SPAG16: variants seen among roughly 807,000 people sequenced by gnomAD.
SPAG16 encodes sperm-associated antigen 16 protein.
A neutral mutation model predicts 80.4 loss-of-function variants in SPAG16; 86 were observed. The observed-to-expected ratio is 1.07, with a 90% confidence interval of 0.90 to 1.28. The LOEUF (loss-of-function observed/expected upper bound fraction) is 1.28. Ranked by LOEUF, SPAG16 falls within the 50% of genes most tolerant of loss-of-function variation. The pLI, the probability that SPAG16 is intolerant of heterozygous loss-of-function variation, is 0.00. For missense variants in SPAG16, 870 were observed against 765.3 expected (o/e 1.14, Z -1.61); for synonymous variants, 294 against 265.9 (o/e 1.11, Z -1.03).
intron 14 of SPAG16, among the ~76,000 whole-genome samples, chr2:214,128,182 A>G (rs1022628853): frequency 6.6e-6 from 1 of 151,856 alleles, no homozygotes; most frequent in African/African-American, 2.4e-5. Context: ...GCTGACGGGC[A>G]GGGGGAAAAC....
chr2:214,339,032 G>A (rs879380831), intron 15 of SPAG16, among the ~76,000 whole-genome samples: 4 of 152,116 alleles, frequency 2.6e-5, no homozygotes, highest in Admixed American at 6.5e-5. Flanking sequence ...TATTTCATAA[G>A]TATTCAACCA....
intron 10 of SPAG16, among the ~76,000 whole-genome samples, chr2:213,589,760 A>T (rs1255402305): frequency 6.6e-6 from 1 of 152,062 alleles, no homozygotes; most frequent in South Asian, 2.1e-4. Flanking sequence ...CGTCTGTACT[A>T]AAAATATAAA....
intron 1 of SPAG16, among the ~76,000 whole-genome samples, chr2:213,286,693 G>T (rs148596231): frequency 1.6e-4 from 24 of 152,278 alleles, no homozygotes; most frequent in African/African-American, 5.1e-4. Context: ...ACTGCATTTG[G>T]CCTGGATTTC....
intron 15 of SPAG16, among the ~76,000 whole-genome samples, chr2:214,387,100 C>T (rs900411224): frequency 6.6e-6 from 1 of 152,072 alleles, no homozygotes; most frequent in Non-Finnish European, 1.5e-5. Context: ...TTCCCTTCAA[C>T]TTCCTTTTAT....
intron 10 of SPAG16, among the ~76,000 whole-genome samples, chr2:213,524,493 G>T (rs2075807614): frequency 6.6e-6 from 1 of 152,196 alleles, no homozygotes; most frequent in African/African-American, 2.4e-5. Context: ...GCCTGGAAAA[G>T]CCACAGACAA....
At chr2:213,580,356 G>A (rs1351578007) in intron 10 of SPAG16, among the ~76,000 whole-genome samples, 4 of 152,014 alleles carry the variant, frequency 2.6e-5, no homozygotes, top group Non-Finnish European at 5.9e-5. Context: ...AGCCTTCTGT[G>A]TCATGTAAAA....
chr2:214,405,889 T>C (rs1701971050), intron 15 of SPAG16, among the ~76,000 whole-genome samples: 1 of 152,200 alleles, frequency 6.6e-6, no homozygotes, highest in African/African-American at 2.4e-5. Flanking sequence ...ATCACAGTGT[T>C]GAGTGAAAAA....
chr2:214,310,757 C>T (rs1695243243), intron 15 of SPAG16, among the ~76,000 whole-genome samples: 1 of 152,180 alleles, frequency 6.6e-6, no homozygotes, highest in South Asian at 2.1e-4. Flanking sequence ...TCCTTTATCT[C>T]CAGGCCACAA....
chr2:214,068,523 G>A (rs1208855504), intron 13 of SPAG16, among the ~76,000 whole-genome samples: 3 of 152,058 alleles, frequency 2.0e-5, no homozygotes, highest in African/African-American at 2.4e-5. Flanking sequence ...GTGGTACAAG[G>A]TCTGACTCAG....
chr2:213,975,748 T>C (rs112450476), intron 12 of SPAG16, among the ~76,000 whole-genome samples: 2,301 of 151,940 alleles, frequency 0.015, 63 homozygotes, highest in African/African-American at 0.052. Flanking sequence ...AAGAAATAAA[T>C]ACATGGAAAG....
At chr2:213,344,607 C>A (rs2064869637) in intron 6 of SPAG16, among the ~76,000 whole-genome samples, 1 of 152,060 alleles carries the variant, frequency 6.6e-6, no homozygotes. Context: ...TCAGTTCCCA[C>A]CTATGAGTGA....
chr2:214,292,289 G>A (rs756907475), intron 15 of SPAG16, among the ~76,000 whole-genome samples: 3 of 152,112 alleles, frequency 2.0e-5, no homozygotes, highest in Non-Finnish European at 4.4e-5. Flanking sequence ...GTGTAAATCT[G>A]TTGCTGGACT....
chr2:213,753,649 C>T (rs778905945), intron 10 of SPAG16, among the ~76,000 whole-genome samples: 1 of 152,146 alleles, frequency 6.6e-6, no homozygotes, highest in African/African-American at 2.4e-5. Flanking sequence ...AGGTACCTCA[C>T]ATAGCTCTAG....
intron 12 of SPAG16, among the ~76,000 whole-genome samples, chr2:214,011,099 T>C (rs1378666072): frequency 1.4e-5 from 2 of 143,266 alleles, no homozygotes; most frequent in East Asian, 3.9e-4. Context: ...TAATTTACCA[T>C]TTTAATATAA....
chr2:213,609,149 G>A (rs568613877), intron 10 of SPAG16, among the ~76,000 whole-genome samples: 1 of 152,178 alleles, frequency 6.6e-6, no homozygotes, highest in African/African-American at 2.4e-5. Context: ...TGAAGAGCCT[G>A]AACATTATCC....
chr2:213,347,536 T>G (rs2125019857), intron 6 of SPAG16, among the ~76,000 whole-genome samples: 1 of 152,344 alleles, frequency 6.6e-6, no homozygotes, highest in Middle Eastern at 3.4e-3. Context: ...GCTATAAATT[T>G]TCCTCTACAC....
intron 15 of SPAG16, among the ~76,000 whole-genome samples, chr2:214,378,121 G>T (rs1364047969): frequency 6.6e-6 from 1 of 152,054 alleles, no homozygotes; most frequent in Non-Finnish European, 1.5e-5. Flanking sequence ...CACAGAAAGG[G>T]ATTCTTCTCT....
intron 15 of SPAG16, among the ~76,000 whole-genome samples, chr2:214,362,563 G>A (rs1237571281): frequency 6.6e-6 from 1 of 151,710 alleles, no homozygotes; most frequent in Non-Finnish European, 1.5e-5. Flanking sequence ...ATCCTCTCCA[G>A]CCTCATAGCC....
At chr2:214,031,334 A>C (rs535708686) in intron 13 of SPAG16, among the ~76,000 whole-genome samples, 25 of 149,558 alleles carry the variant, frequency 1.7e-4, no homozygotes, top group African/African-American at 5.7e-4. Flanking sequence ...AAACTATCGC[A>C]AGGACAAAAA....
Sources: gnomAD v4.1 joint callset for allele counts (sites outside exome capture counted in the v4.1 genomes callset) on GRCh38, gnomAD v4.1.1 for gene constraint, MANE v1.5 for transcripts, NCBI Gene and HGNC (gene_info 2026-07-23, HGNC 2026-07-21) for gene names.